TRIM35: variants seen among roughly 807,000 people sequenced by gnomAD.
TRIM35 encodes the protein E3 ubiquitin-protein ligase TRIM35.
In TRIM35, 37 loss-of-function variants were observed where a neutral mutation model predicts 49.1. That is an observed-to-expected ratio of 0.75 (90% CI 0.58 to 0.99). The LOEUF (loss-of-function observed/expected upper bound fraction) is 0.99. Among genes scored for constraint, TRIM35 ranks in the 50% least tolerant of loss-of-function variants. The probability of loss-of-function intolerance (pLI) is 0.00; values close to 1 mark genes in which losing one functional copy is unlikely to be tolerated. For missense variants in TRIM35, 648 were observed against 702.7 expected, an observed-to-expected ratio of 0.92 and a Z score of 0.88; for synonymous variants, 302 against 289.3, an observed-to-expected ratio of 1.04 and a Z score of -0.45.
chr8:27,293,739 A>C (rs1437099701), intron 3 of TRIM35, among the ~76,000 whole-genome samples: 1 of 152,216 alleles, frequency 6.6e-6, no homozygotes, highest in East Asian at 1.9e-4. Context: ...CTGTAGTCCC[A>C]GCTACTCAGG....
At chr8:27,300,929 T>C (rs1490116553) in intron 1 of TRIM35, among the ~76,000 whole-genome samples, 1 of 152,174 alleles carries the variant, frequency 6.6e-6, no homozygotes, top group East Asian at 1.9e-4. Context: ...TACCCAAAGG[T>C]GTGCAGGCCC....
chr8:27,311,035 G>A lies in TRIM35; in HGVS notation c.201C>T (p.Ala67=), dbSNP rs758144604. The change falls in exon 1 of 6, where the codon GCC becomes GCT. Residue 67 remains alanine, a synonymous_variant. Coordinates refer to ENST00000305364, the MANE Select transcript of TRIM35 (RefSeq NM_171982.5). ...CPVCKDRASP[A]DLRTNHTLNN... is the part of the protein sequence containing the mutation. ...TGAGGGTGTGGTTGGTGCGCAGGTC[G>A]GCGGGTGACGCGCGGTCTTTGCACA... The A allele has an allele frequency of 1.9e-6, 3 of 1,603,584 alleles. No homozygotes were observed. In the South Asian group the frequency reaches 3.3e-5, roughly 18 times the overall value.
chr8:27,291,912 C>T (rs1306532040), intron 3 of TRIM35, among the ~76,000 whole-genome samples: 1 of 152,188 alleles, frequency 6.6e-6, no homozygotes, highest in Non-Finnish European at 1.5e-5. Flanking sequence ...ATAACTAACC[C>T]ACTCTGCCAG....
chr8:27,290,227 A>C, intron 3 of TRIM35, 49 bp from the exon 4 acceptor site: 2 of 1,586,770 alleles, frequency 1.3e-6, no homozygotes, highest in Admixed American at 1.7e-5. Context: ...GATGTAGAGG[A>C]AATGTATATG....
At position 27,290,181 on chromosome 8, in the gene TRIM35, G is replaced by GA. The variant is rs1802424114; in HGVS notation, c.763-4dup. 6.2e-6 allele frequency: 10 copies of GA among 1,613,634 alleles called. No individual in the cohort carries two copies. The highest frequency in any genetic ancestry group is 7.6e-6 in the Non-Finnish European group (9 of 1,179,814). ...CGGCGTTTTCGGCTCTTGTGTTTCT[G>GA]AAAAAATAAAAATAAAAAAATAACA... On this transcript the variant is annotated splice_region_variant and splice_polypyrimidine_tract_variant and intron_variant, in intron 3 of 5. Transcript: ENST00000305364.
At chr8:27,293,611 G>A (rs1015963036) in intron 3 of TRIM35, among the ~76,000 whole-genome samples, 2 of 152,068 alleles carry the variant, frequency 1.3e-5, no homozygotes, top group African/African-American at 2.4e-5. Context: ...AGGCCAAGGT[G>A]GAAGCATCAC....
chr8:27,294,925 A>C (rs1189885852), intron 2 of TRIM35, among the ~76,000 whole-genome samples: 3 of 152,014 alleles, frequency 2.0e-5, no homozygotes, highest in African/African-American at 7.3e-5. Context: ...GGGTTCAAGC[A>C]ATTTTCCCTG....
intron 2 of TRIM35, among the ~76,000 whole-genome samples, chr8:27,297,618 C>G (rs78341712): frequency 6.6e-6 from 1 of 152,090 alleles, no homozygotes; most frequent in African/African-American, 2.4e-5. Context: ...AAATAGAAAA[C>G]AAAAGGTAAT....
At chr8:27,306,783 G>C (rs1802795251) in intron 1 of TRIM35, among the ~76,000 whole-genome samples, 1 of 152,240 alleles carries the variant, frequency 6.6e-6, no homozygotes, top group African/African-American at 2.4e-5. Context: ...GCTCTTCAGA[G>C]AAATTTGGGC....
intron 1 of TRIM35, 116 bp downstream of exon 1, chr8:27,310,685 G>T: frequency 8.1e-7 from 1 of 1,229,208 alleles, no homozygotes. Context: ...CTGCATGCTG[G>T]GAGCGAGACG....
chr8:27,287,794 G>C lies in TRIM35; in HGVS notation c.1238C>G (p.Ser413Trp). 1 of 1,610,524 alleles carries C rather than the reference G, an allele frequency of 6.2e-7. No homozygotes were observed. The highest frequency in any genetic ancestry group is 1.1e-5 in the South Asian group (1 of 90,498). ...QGVEGDHCVTSDPATSPLVLA... is the reference protein window; with the variant it reads ...QGVEGDHCVTWDPATSPLVLA... ...GACCAGGGGCGACGTGGCTGGGTCC[G>C]AGGTCACGCAGTGGTCCCCCTCCAC... Residue 413 changes from serine (S) to tryptophan (W), a missense_variant, in exon 6 of 6, where the codon TCG (serine) becomes TGG (tryptophan). By Grantham distance (177) the Ser-to-Trp change is radical (BLOSUM62 -3). Transcript: ENST00000305364. The surrounding 1 kb of genome is among the most constrained non-coding windows in gnomAD (Gnocchi z 6.0).
At chr8:27,297,645 T>A (rs952627541) in intron 2 of TRIM35, among the ~76,000 whole-genome samples, 1 of 152,190 alleles carries the variant, frequency 6.6e-6, no homozygotes, top group African/African-American at 2.4e-5. Flanking sequence ...TAATGAAGTG[T>A]CATTAAGAAA....
intron 2 of TRIM35, among the ~76,000 whole-genome samples, chr8:27,297,231 G>A (rs1159166595): frequency 1.1e-4 from 17 of 152,302 alleles, no homozygotes; most frequent in African/African-American, 2.9e-4. Context: ...GGAGGGGACC[G>A]CAGGCTCCTG....
Position 27,311,011 on chromosome 8 carries a change from G to A in TRIM35, c.225C>T (p.Leu75=). 6.2e-7 allele frequency: 1 copy of A among 1,611,026 alleles called. No individual in the cohort carries two copies. The highest frequency in any genetic ancestry group is 1.1e-5 in the South Asian group (1 of 90,730). The change falls in exon 1 of 6, where the codon CTC becomes CTT. Residue 75 remains leucine, a synonymous_variant. Coordinates refer to ENST00000305364, the MANE Select transcript of TRIM35 (RefSeq NM_171982.5). ...GCAGCAGCTTCTCCACCAGGTTGTT[G>A]AGGGTGTGGTTGGTGCGCAGGTCGG... is the stretch of plus-strand genomic sequence containing the variant. ...SPADLRTNHT[L]NNLVEKLLRE...
rs201265948 is a variant in TRIM35, at chr8:27,293,003, CT to C, written c.762+1076del. 9.5e-3 allele frequency among the ~76,000 whole-genome samples: 1,370 copies of C among 144,958 alleles called. 19 individuals are homozygous for C. The highest frequency in any genetic ancestry group is 0.032 in the African/African-American group (1,250 of 39,494). On this transcript the variant is annotated intron_variant, in intron 3 of 5. Transcript: ENST00000305364. ...ATCCCACAAAATGATTTTTCTTTTTCTTTTTTTTTTTTCTTCATTTTTCTTT... is the reference window on the plus strand; with the variant it reads ...ATCCCACAAAATGATTTTTCTTTTTCTTTTTTTTTTTCTTCATTTTTCTTT...
At position 27,307,272 on chromosome 8, in the gene TRIM35, A is replaced by G. The variant is rs879432378; in HGVS notation, c.435+3529T>C. On this transcript the variant is annotated intron_variant, in intron 1 of 5. Transcript: ENST00000305364. ...CTGTGTCCTGTGGGATCTGTCCTGC[A>G]GTTCCTCATCCCCACGTGAACCATC... Among the ~76,000 whole-genome samples, 44 of 152,164 alleles carry G rather than the reference A, an allele frequency of 2.9e-4. No homozygotes were observed. The South Asian group carries it at 4.6e-3, about 16-fold the overall frequency.
At chr8:27,299,485 T>C (rs941789013) in intron 1 of TRIM35, among the ~76,000 whole-genome samples, 1 of 152,208 alleles carries the variant, frequency 6.6e-6, no homozygotes, top group African/African-American at 2.4e-5. Flanking sequence ...AGTAATATTA[T>C]TGGCCCCATT....
intron 1 of TRIM35, among the ~76,000 whole-genome samples, chr8:27,306,730 C>T (rs952521184): frequency 2.6e-5 from 4 of 152,150 alleles, no homozygotes; most frequent in Admixed American, 6.5e-5. Context: ...AAGAATGTGC[C>T]GGACCCAAAT....
chr8:27,311,029 C>G lies in TRIM35; in HGVS notation c.207G>C (p.Leu69=), dbSNP rs1802935782. 1.2e-6 allele frequency: 2 copies of G among 1,607,220 alleles called. No homozygotes were observed. Among genetic ancestry groups the G allele is most frequent in the Admixed American group, 3.4e-5 (2 of 58,992 alleles). ...GGTTGTTGAGGGTGTGGTTGGTGCGCAGGTCGGCGGGTGACGCGCGGTCTT... is the reference window on the plus strand; with the variant it reads ...GGTTGTTGAGGGTGTGGTTGGTGCGGAGGTCGGCGGGTGACGCGCGGTCTT... The part of the protein sequence containing the change: ...VCKDRASPAD[L]RTNHTLNNLV... The change falls in exon 1 of 6, where the codon CTG becomes CTC. Residue 69 remains leucine, a synonymous_variant. Coordinates refer to ENST00000305364, the MANE Select transcript of TRIM35 (RefSeq NM_171982.5).
Sources: allele counts gnomAD v4.1 joint callset (sites outside exome capture counted in the v4.1 genomes callset), GRCh38; gene constraint gnomAD v4.1.1; non-coding constraint Gnocchi (gnomAD v3.1); transcripts MANE v1.5; gene names NCBI Gene and HGNC (gene_info 2026-07-23, HGNC 2026-07-21).